AKR1B15: variants seen among roughly 807,000 people sequenced by gnomAD.
The protein encoded by AKR1B15 is aldo-keto reductase family 1 member B15, also known as estradiol 17-beta-dehydrogenase AKR1B15.
In AKR1B15, 49 loss-of-function variants were observed where a neutral mutation model predicts 38.5. That is an observed-to-expected ratio of 1.27 (90% CI 1.01 to 1.62). The LOEUF (loss-of-function observed/expected upper bound fraction) is 1.62. Among genes scored for constraint, AKR1B15 ranks in the 40% most tolerant of loss-of-function variants. AKR1B15 has a pLI of 0.00. For synonymous variants in AKR1B15, 137 were observed against 135.5 expected (o/e 1.01, Z -0.08); for missense variants, 411 against 381.6 (o/e 1.08, Z -0.64).
chr7:134,552,957 T>A (rs2117598732), intron 1 of AKR1B15, among the ~76,000 whole-genome samples: 1 of 152,308 alleles, frequency 6.6e-6, no homozygotes, highest in African/African-American at 2.4e-5. Flanking sequence ...CGACCTGTTA[T>A]TGGCTACTGA....
At chr7:134,574,812 GT>G (rs1168590301) in intron 6 of AKR1B15, among the ~76,000 whole-genome samples, 3 of 152,220 alleles carry the variant, frequency 2.0e-5, no homozygotes, top group Non-Finnish European at 4.4e-5. Context: ...TATGCAAACA[GT>G]GGGTCAGGTT....
chr7:134,554,007 T>C (rs779695798), intron 1 of AKR1B15, among the ~76,000 whole-genome samples: 6 of 151,674 alleles, frequency 4.0e-5, no homozygotes, highest in Non-Finnish European at 7.4e-5. Flanking sequence ...TAAAGACAAA[T>C]GTATTAACAT....
intron 10 of AKR1B15, among the ~76,000 whole-genome samples, chr7:134,577,458 G>A (rs909709519): frequency 3.3e-5 from 5 of 152,154 alleles, no homozygotes; most frequent in African/African-American, 7.2e-5. Context: ...GCCTGTGCAC[G>A]CCTGGGGTTT....
At chr7:134,577,279 T>G (rs1794786748) in intron 10 of AKR1B15, among the ~76,000 whole-genome samples, 1 of 152,178 alleles carries the variant, frequency 6.6e-6, no homozygotes, top group South Asian at 2.1e-4. Flanking sequence ...CTGAGCACAG[T>G]TGTGCCTCAC....
intron 2 of AKR1B15, among the ~76,000 whole-genome samples, chr7:134,558,401 T>C (rs1214596941): frequency 1.3e-5 from 2 of 152,168 alleles, no homozygotes; most frequent in African/African-American, 4.8e-5. Context: ...AGTAATGTAG[T>C]TAAAGCGCTA....
intron 5 of AKR1B15, among the ~76,000 whole-genome samples, 162 bp from the exon 6 acceptor site, chr7:134,571,442 G>C (rs1216017732): frequency 6.6e-6 from 1 of 152,188 alleles, no homozygotes; most frequent in Non-Finnish European, 1.5e-5. Flanking sequence ...AGTAGATATA[G>C]AGATTTTATT....
chr7:134,576,333 A>G lies in AKR1B15; in HGVS notation c.744-16A>G, dbSNP rs769869771. 6 of 1,611,920 alleles carry G rather than the reference A, an allele frequency of 3.7e-6. No homozygotes were observed. The East Asian group carries it at 1.1e-4, about 30-fold the overall frequency. On this transcript the variant is annotated splice_polypyrimidine_tract_variant and intron_variant, in intron 8 of 11. Transcript: ENST00000457545. Reference sequence around the variant, plus strand: ...AGCCATGGTGATTATTCACATCAGCATCTTTCTGCCCCTAGGGCCAAACCT... The same window carrying G: ...AGCCATGGTGATTATTCACATCAGCGTCTTTCTGCCCCTAGGGCCAAACCT...
intron 1 of AKR1B15, among the ~76,000 whole-genome samples, chr7:134,555,359 C>T (rs938926602): frequency 6.6e-6 from 1 of 152,050 alleles, no homozygotes; most frequent in Non-Finnish European, 1.5e-5. Flanking sequence ...CCTCACCACA[C>T]CAACAGCTCT....
At chr7:134,571,124 G>A (rs183656972) in intron 5 of AKR1B15, among the ~76,000 whole-genome samples, 192 of 152,294 alleles carry the variant, frequency 1.3e-3, no homozygotes, top group Admixed American at 5.6e-3. Flanking sequence ...GAGGGGTGGG[G>A]GAGACAAATT....
At chr7:134,562,838 C>CTTTCTTTCTTTCTT (rs1562946934) in intron 2 of AKR1B15, among the ~76,000 whole-genome samples, 1 of 47,512 alleles carries the variant, frequency 2.1e-5, no homozygotes, top group Admixed American at 1.8e-4. Flanking sequence ...CTTTCTCTTT[C>CTTTCTTTCTTTCTT]TTTCTTTCTT....
At chr7:134,562,084 A>G (rs760817998) in intron 2 of AKR1B15, among the ~76,000 whole-genome samples, 2 of 152,102 alleles carry the variant, frequency 1.3e-5, no homozygotes, top group Admixed American at 6.5e-5. Flanking sequence ...CCTAGGTTCA[A>G]GCAATTCTCC....
At chr7:134,570,281 G>A (rs1424937374) in intron 5 of AKR1B15, 1 of 152,116 alleles carries the variant, frequency 6.6e-6, no homozygotes, top group East Asian at 1.9e-4. Flanking sequence ...CTGATAAGAC[G>A]TTATCAATGA....
At chr7:134,576,254 C>T in intron 8 of AKR1B15, 95 bp from the exon 9 acceptor site, 1 of 1,312,126 alleles carries the variant, frequency 7.6e-7, no homozygotes. Context: ...GATGGAGAGG[C>T]TCTGATGATC....
At position 134,550,428 on chromosome 7, in the gene AKR1B15, G is replaced by A. The variant is rs114217457; in HGVS notation, c.-147+1179G>A. ...AGTTTGAACATTTTGCTTTCGAGTC[G>A]TGGAGACACCAAAGTTATTTGGGAT... On this transcript the variant is annotated intron_variant, in intron 1 of 11. Transcript: ENST00000457545. Among the ~76,000 whole-genome samples, 1,045 of 152,158 alleles carry A rather than the reference G, an allele frequency of 6.9e-3. 12 individuals carry two copies. Among genetic ancestry groups the A allele is most frequent in the African/African-American group, 0.024 (979 of 41,512 alleles).
chr7:134,573,386 A>G, intron 6 of AKR1B15: 1 of 985,416 alleles, frequency 1.0e-6, no homozygotes, highest in Non-Finnish European at 1.2e-6. Flanking sequence ...GATATGAAGT[A>G]TGGCAAGTAT....
intron 2 of AKR1B15, among the ~76,000 whole-genome samples, chr7:134,563,508 A>G (rs1794467577): frequency 6.6e-6 from 1 of 152,196 alleles, no homozygotes; most frequent in African/African-American, 2.4e-5. Context: ...AGATCACACC[A>G]CTGCACTCCA....
chr7:134,576,951 C>T lies in AKR1B15; in HGVS notation c.826-12C>T. ...TAGCTGAGTGGAAACATGATGTCCC[C>T]TTTCTGCACAGGTTCTGATCCGTTT... On this transcript the variant is annotated splice_polypyrimidine_tract_variant and intron_variant, in intron 9 of 11. Coordinates refer to ENST00000457545, the MANE Select transcript of AKR1B15 (RefSeq NM_001080538.3). 6.2e-7 allele frequency: 1 copy of T among 1,611,842 alleles called. No individual in the cohort carries two copies. Among genetic ancestry groups the T allele is most frequent in the South Asian group, 1.1e-5 (1 of 91,000 alleles).
rs782539 is a variant in AKR1B15 at position 134,575,354 on chromosome 7, C to T, written c.514-66C>T. 4.9e-3 allele frequency: 7,677 copies of T among 1,568,058 alleles called. 316 individuals are homozygous for T. The African/African-American group carries it at 0.09, about 18-fold the overall frequency. On this transcript the variant is annotated intron_variant, in intron 6 of 11. Transcript: ENST00000457545. ...TTAGCAATTTCTGCCCCAGGGAAGA[C>T]TAAGGCAAGCCAGGGTCCCTGTAGT...
intron 11 of AKR1B15, among the ~76,000 whole-genome samples, chr7:134,578,369 A>G (rs1308659081): frequency 1.3e-5 from 2 of 152,168 alleles, no homozygotes; most frequent in Non-Finnish European, 2.9e-5. Context: ...CTTGGCAGTG[A>G]TAACAGCAGG....
Sources: gnomAD v4.1 joint callset for allele counts (sites outside exome capture counted in the v4.1 genomes callset) on GRCh38, gnomAD v4.1.1 for gene constraint, MANE v1.5 for transcripts, NCBI Gene and HGNC (gene_info 2026-07-23, HGNC 2026-07-21) for gene names.